SORCS1: variants seen among roughly 807,000 people sequenced by gnomAD.
The protein encoded by SORCS1 is sortilin related VPS10 domain containing receptor 1, also known as VPS10 domain-containing receptor SorCS1.
A neutral mutation model predicts 146.1 loss-of-function variants in SORCS1; 60 were observed. That is an observed-to-expected ratio of 0.41 (90% CI 0.33 to 0.51). The LOEUF is 0.51. Ranked by LOEUF, SORCS1 falls within the 20% of genes least tolerant of loss-of-function variation. The probability of loss-of-function intolerance (pLI) is 0.21; values close to 1 mark genes in which losing one functional copy is unlikely to be tolerated. For missense variants in SORCS1, 1,352 were observed against 1,487.6 expected, an observed-to-expected ratio of 0.91 and a Z score of 1.50; for synonymous variants, 637 against 584.0, an observed-to-expected ratio of 1.09 and a Z score of -1.31.
chr10:106,764,403 T>TACCCAA (rs1406136903), intron 4 of SORCS1, among the ~76,000 whole-genome samples: 1 of 152,208 alleles, frequency 6.6e-6, no homozygotes, highest in African/African-American at 2.4e-5. Flanking sequence ...CAAAGCATTT[T>TACCCAA]ACCCAATGAC....
Position 106,629,264 on chromosome 10 carries a change from A to G in SORCS1, c.2600T>C (p.Val867Ala). ...CAGACTGTTGTCCACCTGCACGGTCACACGGAAAATGCCCACGTTCTGATA... is the reference window on the plus strand; with the variant it reads ...CAGACTGTTGTCCACCTGCACGGTCGCACGGAAAATGCCCACGTTCTGATA... The part of the protein sequence containing the change: ...HVYQNVGIFR[V>A]TVQVDNSLGS... The change falls in exon 19 of 26, where the codon GTG becomes GCG. Residue 867 changes from valine to alanine, a missense_variant. By Grantham distance (64) the Val-to-Ala change is moderately conservative. Around this residue, in one of 3 missense-constraint regions of SORCS1, gnomAD observed 648 missense variants for 793.8 expected, o/e 0.82. Transcript: ENST00000263054. 6.2e-7 allele frequency: 1 copy of G among 1,614,140 alleles called. No homozygotes were observed. Among genetic ancestry groups the G allele is most frequent in the Non-Finnish European group, 8.5e-7 (1 of 1,179,992 alleles).
chr10:107,104,951 T>C (rs1590147897), intron 1 of SORCS1, among the ~76,000 whole-genome samples: 1 of 152,186 alleles, frequency 6.6e-6, no homozygotes, highest in South Asian at 2.1e-4. Flanking sequence ...ATGACCTGAA[T>C]GCCTGTGGTA....
chr10:106,667,616 A>T, intron 17 of SORCS1, 73 bp downstream of exon 17: 1 of 976,848 alleles, frequency 1.0e-6, no homozygotes, highest in Non-Finnish European at 1.6e-6. Flanking sequence ...GATCAGAAGT[A>T]ATTCTGTCAG....
At chr10:106,807,964 A>G (rs984256403) in intron 3 of SORCS1, among the ~76,000 whole-genome samples, 4 of 152,220 alleles carry the variant, frequency 2.6e-5, no homozygotes, top group African/African-American at 9.6e-5. Flanking sequence ...TCAGATTGAG[A>G]TCAATTGCAC....
At chr10:106,682,911 C>T (rs1852549623) in intron 10 of SORCS1, among the ~76,000 whole-genome samples, 2 of 152,180 alleles carry the variant, frequency 1.3e-5, no homozygotes, top group African/African-American at 4.8e-5. Context: ...GACAGAATGA[C>T]CAGCACACAT....
chr10:106,685,306 A>G (rs1048758886), intron 10 of SORCS1, among the ~76,000 whole-genome samples: 2 of 152,114 alleles, frequency 1.3e-5, no homozygotes, highest in Non-Finnish European at 2.9e-5. Context: ...CCCCTACCAC[A>G]TGGCAGGTAT....
At chr10:106,617,869 T>G (rs1435841210) in intron 21 of SORCS1, among the ~76,000 whole-genome samples, 2 of 152,220 alleles carry the variant, frequency 1.3e-5, no homozygotes, top group Non-Finnish European at 2.9e-5. Flanking sequence ...CTAAGTGAAA[T>G]GAGTTAGCCT....
chr10:106,618,366 A>G (rs1847518332), intron 20 of SORCS1, 94 bp from the exon 21 acceptor site: 1 of 1,487,882 alleles, frequency 6.7e-7, no homozygotes, highest in South Asian at 1.3e-5. Context: ...TGTCTAACCC[A>G]GCAGAGGCTC....
intron 1 of SORCS1, among the ~76,000 whole-genome samples, chr10:107,117,356 G>T (rs1966104748): frequency 6.6e-6 from 1 of 152,160 alleles, no homozygotes. Context: ...CAAGAACAAT[G>T]ACCCCGGAAG....
chr10:107,038,311 G>A, intron 1 of SORCS1, among the ~76,000 whole-genome samples: 1 of 146,856 alleles, frequency 6.8e-6, no homozygotes, highest in African/African-American at 2.5e-5. Context: ...AACGTAGGGA[G>A]AAGCAGCTGA....
chr10:107,108,488 T>G (rs2134435504), intron 1 of SORCS1, among the ~76,000 whole-genome samples: 1 of 152,076 alleles, frequency 6.6e-6, no homozygotes, highest in South Asian at 2.1e-4. Context: ...TGACCAGATC[T>G]CAAAAGAACT....
At chr10:106,703,981 G>C (rs1343953929) in intron 8 of SORCS1, among the ~76,000 whole-genome samples, 4 of 152,164 alleles carry the variant, frequency 2.6e-5, no homozygotes, top group Non-Finnish European at 4.4e-5. Flanking sequence ...TGCTCTTCTG[G>C]GAGAACAGGA....
chr10:106,692,779 T>G (rs1853396543), intron 9 of SORCS1, among the ~76,000 whole-genome samples: 1 of 152,132 alleles, frequency 6.6e-6, no homozygotes, highest in Non-Finnish European at 1.5e-5. Flanking sequence ...AAGTGTAACA[T>G]TCTACACCTA....
intron 2 of SORCS1, among the ~76,000 whole-genome samples, chr10:106,869,006 G>T (rs777353713): frequency 6.6e-6 from 1 of 151,674 alleles, no homozygotes; most frequent in Non-Finnish European, 1.5e-5. Flanking sequence ...TGATGAGGGA[G>T]GTGCTACCAC....
At chr10:106,966,736 G>C (rs1955512805) in intron 1 of SORCS1, among the ~76,000 whole-genome samples, 1 of 152,120 alleles carries the variant, frequency 6.6e-6, no homozygotes, top group Non-Finnish European at 1.5e-5. Flanking sequence ...CAGAGCCAGA[G>C]GTCATTTGTA....
intron 3 of SORCS1, among the ~76,000 whole-genome samples, chr10:106,805,374 A>G (rs4918257): frequency 0.45 from 68,648 of 152,044 alleles, 15,691 homozygotes; most frequent in African/African-American, 0.52. Flanking sequence ...TGGGGTCCCC[A>G]TGCAGAAAGC....
At chr10:106,614,670 G>C (rs182294273) in intron 21 of SORCS1, among the ~76,000 whole-genome samples, 20 of 152,252 alleles carry the variant, frequency 1.3e-4, no homozygotes, top group African/African-American at 1.2e-4. Context: ...CCACAAGGGA[G>C]AATGTTTATC....
chr10:106,761,881 G>C (rs138360600), intron 4 of SORCS1, among the ~76,000 whole-genome samples: 1 of 152,342 alleles, frequency 6.6e-6, no homozygotes, highest in Non-Finnish European at 1.5e-5. Context: ...CTGAAGCTTA[G>C]AAGGATTAAC....
At chr10:107,114,848 A>G (rs1009109549) in intron 1 of SORCS1, among the ~76,000 whole-genome samples, 4 of 152,146 alleles carry the variant, frequency 2.6e-5, no homozygotes, top group Non-Finnish European at 5.9e-5. Context: ...TTATATACAG[A>G]AAAACTTAAA....
Sources: gnomAD v4.1 joint callset for allele counts (sites outside exome capture counted in the v4.1 genomes callset) on GRCh38, gnomAD v4.1.1 for gene constraint, gnomAD v4.1.1 regional missense constraint, MANE v1.5 for transcripts, NCBI Gene and HGNC (gene_info 2026-07-23, HGNC 2026-07-21) for gene names.